The following MYO16 variants were observed in gnomAD, a reference collection of about 807,000 sequenced individuals.
The protein encoded by MYO16 is unconventional myosin-XVI.
In MYO16, 94 loss-of-function variants were observed where a neutral mutation model predicts 205.3. The observed-to-expected ratio is 0.46, with a 90% CI of 0.39 to 0.54. The LOEUF (loss-of-function observed/expected upper bound fraction) is 0.54, where lower values mean the gene tolerates loss of function less well. MYO16 is among the 20% of genes least tolerant of loss of function. The pLI, the probability that MYO16 is intolerant of heterozygous loss-of-function variation, is 0.00. For missense variants in MYO16, 2,315 were observed against 2,387.5 expected (o/e 0.97, Z 0.63); for synonymous variants, 988 against 954.0 (o/e 1.04, Z -0.66).
chr13:109,091,117 T>G (rs1228829087), intron 27 of MYO16, among the ~76,000 whole-genome samples: 1 of 152,146 alleles, frequency 6.6e-6, no homozygotes, highest in Admixed American at 6.5e-5. Context: ...TATAAGTTCA[T>G]AGAATGGGGG....
At chr13:108,528,601 C>G in the MYO16 span, among the ~76,000 whole-genome samples, 1 of 7,984 alleles carries the variant, frequency 1.3e-4, no homozygotes, top group Non-Finnish European at 2.7e-4. Context: ...CTCCTCTCCC[C>G]TCTCCTCTCC....
the MYO16 span, among the ~76,000 whole-genome samples, chr13:108,544,061 G>T: frequency 2.1e-5 from 2 of 95,504 alleles, no homozygotes; most frequent in African/African-American, 4.6e-5. Flanking sequence ...GGGAAACTCC[G>T]TCTCCAAAAA....
At chr13:108,642,668 T>C (rs1199073431) in intron 1 of MYO16, among the ~76,000 whole-genome samples, 2 of 152,176 alleles carry the variant, frequency 1.3e-5, no homozygotes, top group Non-Finnish European at 2.9e-5. Flanking sequence ...TCTGCTCGCC[T>C]AGGCCTCCCA....
At chr13:108,656,502 A>G (rs765651376) in intron 1 of MYO16, among the ~76,000 whole-genome samples, 2 of 152,218 alleles carry the variant, frequency 1.3e-5, no homozygotes, top group Non-Finnish European at 2.9e-5. Context: ...ATTGGGCAGG[A>G]CATCAATAGT....
At chr13:108,926,885 A>G (rs778272577) in intron 16 of MYO16, among the ~76,000 whole-genome samples, 1 of 152,182 alleles carries the variant, frequency 6.6e-6, no homozygotes, top group African/African-American at 2.4e-5. Flanking sequence ...ATACCACAGA[A>G]ATAATTTATT....
chr13:109,068,846 C>T (rs1358384670), intron 27 of MYO16, among the ~76,000 whole-genome samples: 2 of 152,174 alleles, frequency 1.3e-5, no homozygotes, highest in Non-Finnish European at 2.9e-5. Flanking sequence ...CCACCTTGGC[C>T]TCCCAAAGTG....
the MYO16 span, among the ~76,000 whole-genome samples, chr13:108,543,449 C>T: frequency 1.3e-5 from 2 of 151,774 alleles, no homozygotes; most frequent in Admixed American, 1.3e-4. Flanking sequence ...TCGAGACCAT[C>T]CTGGCTAACA....
intron 32 of MYO16, among the ~76,000 whole-genome samples, chr13:109,148,624 A>G (rs1011180987): frequency 9.8e-5 from 15 of 152,332 alleles, no homozygotes; most frequent in Admixed American, 4.6e-4. Flanking sequence ...TTGAGCTCCA[A>G]GTGGCCCATG....
intron 2 of MYO16, among the ~76,000 whole-genome samples, chr13:108,697,681 C>G (rs987601277): frequency 4.6e-5 from 7 of 151,958 alleles, no homozygotes; most frequent in Non-Finnish European, 7.4e-5. Context: ...TTATATTGAA[C>G]TTTATTTACA....
At chr13:108,986,947 G>A (rs1354391126) in intron 20 of MYO16, among the ~76,000 whole-genome samples, 1 of 152,128 alleles carries the variant, frequency 6.6e-6, no homozygotes, top group African/African-American at 2.4e-5. Context: ...GTGTTTGGGG[G>A]CAGCTTACTT....
chr13:108,877,197 G>C (rs941768632), intron 12 of MYO16, among the ~76,000 whole-genome samples: 1 of 151,990 alleles, frequency 6.6e-6, no homozygotes, highest in Non-Finnish European at 1.5e-5. Context: ...TGCTCTTTTT[G>C]CTCATGTTTG....
intron 1 of MYO16, among the ~76,000 whole-genome samples, chr13:108,636,362 TTTTTTTTTGTGTGTGTGTGTGTGTGTGTG>T (rs1880240614): frequency 1.1e-5 from 1 of 89,938 alleles, no homozygotes; most frequent in Non-Finnish European, 2.2e-5. Flanking sequence ...TTTTTTTTTT[TTTTTTTTTGTGTGTGTGTGTGTGTGTGTG>T]TGTGTGTGTG....
At chr13:108,590,303 G>C in the MYO16 span, among the ~76,000 whole-genome samples, 4 of 152,148 alleles carry the variant, frequency 2.6e-5, no homozygotes, top group Non-Finnish European at 5.9e-5. Context: ...AATTGTTTGG[G>C]AAGTTTTAAA....
chr13:108,560,275 G>T, the MYO16 span, among the ~76,000 whole-genome samples: 294 of 152,272 alleles, frequency 1.9e-3, no homozygotes, highest in African/African-American at 6.0e-3. Context: ...CTTCGCTGGC[G>T]TGTTACCATG....
chr13:109,160,635 A>G (rs992015266), intron 32 of MYO16, among the ~76,000 whole-genome samples: 2 of 152,206 alleles, frequency 1.3e-5, no homozygotes, highest in Admixed American at 6.5e-5. Context: ...TAAATATTAT[A>G]CAGGATGTAC....
intron 2 of MYO16, among the ~76,000 whole-genome samples, chr13:108,699,423 GTT>G (rs2139514836): frequency 6.6e-6 from 1 of 152,078 alleles, no homozygotes; most frequent in African/African-American, 2.4e-5. Context: ...TTTTGAAACT[GTT>G]TATTTCTAAA....
chr13:108,976,264 ATC>A (rs148261323), intron 20 of MYO16, among the ~76,000 whole-genome samples: 11 of 150,860 alleles, frequency 7.3e-5, no homozygotes, highest in Admixed American at 1.3e-4. Flanking sequence ...GTGAAGTTTT[ATC>A]TCTCTCTCTC....
chr13:108,516,796 G>T, the MYO16 span, among the ~76,000 whole-genome samples: 1 of 152,138 alleles, frequency 6.6e-6, no homozygotes, highest in African/African-American at 2.4e-5. Context: ...CATTTTTGCT[G>T]TATAGTCTGC....
intron 6 of MYO16, among the ~76,000 whole-genome samples, chr13:108,804,807 A>T (rs1887065441): frequency 6.6e-6 from 1 of 152,176 alleles, no homozygotes; most frequent in Non-Finnish European, 1.5e-5. Context: ...AACACTTTGG[A>T]TAGAGTCTCT....
Sources: gnomAD v4.1 joint callset for allele counts (sites outside exome capture counted in the v4.1 genomes callset) on GRCh38, gnomAD v4.1.1 for gene constraint, MANE v1.5 for transcripts, NCBI Gene and HGNC (gene_info 2026-07-23, HGNC 2026-07-21) for gene names.